Variants in SPAG9 observed in about 807,000 individuals in gnomAD.
SPAG9 encodes the protein sperm associated antigen 9, also known as C-Jun-amino-terminal kinase-interacting protein 4.
A neutral mutation model predicts 166.5 loss-of-function variants in SPAG9; 35 were observed. The ratio of observed to expected loss-of-function variants is 0.21; its 90% CI spans 0.16 to 0.28. The LOEUF is 0.28. SPAG9 is among the 10% of genes least tolerant of loss of function. SPAG9 has a pLI of 1.00. For missense variants in SPAG9, 1,235 were observed against 1,603.3 expected, an observed-to-expected ratio of 0.77 and a Z score of 3.92; for synonymous variants, 534 against 565.5, an observed-to-expected ratio of 0.94 and a Z score of 0.79.
intron 2 of SPAG9, among the ~76,000 whole-genome samples, chr17:51,067,816 T>C (rs2047715902): frequency 6.6e-6 from 1 of 152,186 alleles, no homozygotes; most frequent in African/African-American, 2.4e-5. Flanking sequence ...AGAATAATGA[T>C]GGAGATACTT....
At chr17:51,102,045 CATTT>C (rs2048821606) in intron 1 of SPAG9, among the ~76,000 whole-genome samples, 1 of 151,926 alleles carries the variant, frequency 6.6e-6, no homozygotes, top group African/African-American at 2.4e-5. Context: ...TTTTACTCAC[CATTT>C]TATCTGTTAC....
chr17:50,997,102 C>T (rs1291583596), intron 15 of SPAG9, among the ~76,000 whole-genome samples: 1 of 152,228 alleles, frequency 6.6e-6, no homozygotes, highest in East Asian at 1.9e-4. Context: ...TGCCACTGCA[C>T]TCCAGCCTGG....
chr17:51,039,007 A>G (rs2046727881), intron 5 of SPAG9, among the ~76,000 whole-genome samples: 1 of 152,166 alleles, frequency 6.6e-6, no homozygotes, highest in Non-Finnish European at 1.5e-5. Flanking sequence ...TTTGTAATAC[A>G]CCAACAAAGA....
At chr17:51,056,573 C>G in intron 2 of SPAG9, 91 bp from the exon 3 acceptor site, 1 of 768,026 alleles carries the variant, frequency 1.3e-6, no homozygotes, top group Non-Finnish European at 2.2e-6. Context: ...TATCCATAAT[C>G]CTTAGCAACT....
rs756232100 is a variant in SPAG9, at chr17:51,014,337, T to C, written c.1108A>G (p.Ile370Val). ...YKGSSTPTKG[I>V]ENKAFDRNTE... ...TTGCGATCAAAAGCTTTGTTCTCTA[T>C]GCCTTTGGTGGGAGTGCTATGCAAC... Residue 370 changes from isoleucine to valine, a missense_variant, in exon 9 of 30, where the codon ATA becomes GTA. This residue lies in a region of SPAG9 where 288 missense variants were observed against 323.7 expected (regional missense o/e 0.89). Transcript: ENST00000262013. 2 of 1,611,772 alleles carry C rather than the reference T, an allele frequency of 1.2e-6. No individual in the cohort carries two copies. The highest frequency in any genetic ancestry group is 1.7e-4 in the Middle Eastern group (1 of 6,052).
At chr17:51,046,979 T>C (rs1456300439) in intron 4 of SPAG9, 6 of 1,364,798 alleles carry the variant, frequency 4.4e-6, no homozygotes, top group South Asian at 2.8e-5. Flanking sequence ...ACATAATTTA[T>C]TCACACTCCT....
At chr17:51,074,259 CA>C (rs928551160) in intron 2 of SPAG9, among the ~76,000 whole-genome samples, 1 of 148,336 alleles carries the variant, frequency 6.7e-6, no homozygotes, top group Non-Finnish European at 1.5e-5. Flanking sequence ...CAAAACAAAA[CA>C]AAAAAAACAC....
At chr17:51,027,171 T>C (rs1052385399) in intron 6 of SPAG9, among the ~76,000 whole-genome samples, 4 of 152,146 alleles carry the variant, frequency 2.6e-5, no homozygotes, top group Non-Finnish European at 5.9e-5. Flanking sequence ...GTGGCTCATG[T>C]GTGTAATCAC....
intron 1 of SPAG9, among the ~76,000 whole-genome samples, chr17:51,090,922 A>G (rs1245173962): frequency 5.3e-5 from 8 of 152,174 alleles, no homozygotes; most frequent in African/African-American, 1.7e-4. Context: ...ACATAGTTCA[A>G]GTCTGCATAT....
At chr17:50,998,409 T>C (rs2143921822) in intron 15 of SPAG9, 35 bp downstream of exon 15, 1 of 1,574,212 alleles carries the variant, frequency 6.4e-7, no homozygotes, top group South Asian at 1.1e-5. Context: ...ACTAACTTAA[T>C]TTAGAATATA....
chr17:51,080,608 T>C (rs2144643177), intron 1 of SPAG9, among the ~76,000 whole-genome samples: 1 of 151,922 alleles, frequency 6.6e-6, no homozygotes, highest in East Asian at 1.9e-4. Flanking sequence ...TAAGGCTGGG[T>C]GTGGTGGCTC....
rs2046110831 is a variant in SPAG9 at position 51,025,276 on chromosome 17, C to T, written c.784-3911G>A. Among the ~76,000 whole-genome samples, 2 of 131,772 alleles carry T rather than the reference C, an allele frequency of 1.5e-5. 1 individual carries two copies. The highest frequency in any genetic ancestry group is 4.8e-4 in the South Asian group (2 of 4,180). 86.4% of individuals were successfully genotyped at this position (131,772 alleles called of 152,430 possible). On this transcript the variant is annotated intron_variant, in intron 6 of 29. Transcript: ENST00000262013. ...GAGGCTGCAGTGAGCCAAAATTGTG[C>T]CACCACACTCCAGTCTGGTGACAGG...
At position 50,982,634 on chromosome 17, in the gene SPAG9, G is replaced by A. The variant is rs768761788; in HGVS notation, c.3127C>T (p.Leu1043Phe). ...CGGATGGAATGATGAGGCCGTCCAA[G>A]GTCTAAGAGGTGATAGTTTGACAAA... is the stretch of plus-strand genomic sequence containing the variant. Reference protein sequence around the residue: ...WDLSNYHLLDLGRPHHSIRCM... With the variant: ...WDLSNYHLLDFGRPHHSIRCM... The change falls in exon 25 of 30, where the codon CTT becomes TTT. Residue 1043 changes from leucine to phenylalanine, a missense_variant. Leu to Phe is a conservative substitution (Grantham distance 22). This residue lies in a region of SPAG9 where 493 missense variants were observed against 559.4 expected (regional missense o/e 0.88). Coordinates refer to ENST00000262013, the MANE Select transcript of SPAG9 (RefSeq NM_001130528.3). 3 of 1,612,484 alleles carry A rather than the reference G, an allele frequency of 1.9e-6. No homozygotes were observed. Among genetic ancestry groups the A allele is most frequent in the Non-Finnish European group, 2.5e-6 (3 of 1,179,684 alleles).
At chr17:51,012,853 T>TCC (rs2045548142) in intron 9 of SPAG9, among the ~76,000 whole-genome samples, 1 of 151,472 alleles carries the variant, frequency 6.6e-6, no homozygotes, top group Non-Finnish European at 1.5e-5. Context: ...GTTCAAGCCA[T>TCC]CCTCACACCT....
intron 13 of SPAG9, among the ~76,000 whole-genome samples, 190 bp from the exon 14 acceptor site, chr17:50,999,907 T>C (rs905708269): frequency 1.3e-5 from 2 of 152,132 alleles, no homozygotes; most frequent in African/African-American, 2.4e-5. Context: ...TTAATTCTAC[T>C]AAGAAAAATA....
At chr17:51,030,539 T>A in intron 6 of SPAG9, among the ~76,000 whole-genome samples, 1 of 152,174 alleles carries the variant, frequency 6.6e-6, no homozygotes, top group Admixed American at 6.5e-5. Context: ...ACTCTTTTGA[T>A]TTACAGCTAT....
At chr17:51,072,822 C>T (rs1285107889) in intron 2 of SPAG9, among the ~76,000 whole-genome samples, 2 of 152,058 alleles carry the variant, frequency 1.3e-5, no homozygotes, top group East Asian at 1.9e-4. Context: ...GCACTCATTC[C>T]CAATCTTGGT....
chr17:50,967,042 C>G (rs1196785300), intron 29 of SPAG9, among the ~76,000 whole-genome samples: 2 of 152,222 alleles, frequency 1.3e-5, no homozygotes, highest in African/African-American at 4.8e-5. Context: ...GATACAGGTT[C>G]TTCTGCATCA....
intron 1 of SPAG9, among the ~76,000 whole-genome samples, chr17:51,107,810 G>T (rs2048996940): frequency 6.6e-6 from 1 of 151,652 alleles, no homozygotes; most frequent in East Asian, 1.9e-4. Context: ...AGTTACTTGG[G>T]AGGCTAAGGT....
Sources: allele counts gnomAD v4.1 joint callset (sites outside exome capture counted in the v4.1 genomes callset), GRCh38; gene constraint gnomAD v4.1.1; regional missense constraint gnomAD v4.1.1; transcripts MANE v1.5; gene names NCBI Gene and HGNC (gene_info 2026-07-23, HGNC 2026-07-21).